The following CDH11 variants were observed in gnomAD, a reference collection of about 807,000 sequenced individuals.
CDH11 encodes cadherin-11.
A neutral mutation model predicts 67.8 loss-of-function variants in CDH11; 11 were observed. That is an observed-to-expected ratio of 0.16 (90% CI 0.10 to 0.27). The LOEUF is 0.27. Ranked by LOEUF, CDH11 falls within the 10% of genes least tolerant of loss-of-function variation. The pLI, the probability that CDH11 is intolerant of heterozygous loss-of-function variation, is 1.00. For synonymous variants in CDH11, 419 were observed against 400.0 expected, an observed-to-expected ratio of 1.05 and a Z score of -0.57; for missense variants, 847 against 1,031.2, an observed-to-expected ratio of 0.82 and a Z score of 2.45.
chr16:64,947,455 C>A lies in CDH11; in HGVS notation c.*148G>T. On this transcript the variant is annotated 3_prime_UTR_variant, in exon 13 of 13. Coordinates refer to ENST00000268603, the MANE Select transcript of CDH11 (RefSeq NM_001797.4). ...ACAGTATTTACCACTTTGATGTCCT[C>A]GCAGTTTTATTAAATGTATCCTCTC... The A allele has an allele frequency of 6.9e-7, 1 of 1,457,240 alleles. No individual in the cohort carries two copies. Among genetic ancestry groups the A allele is most frequent in the Non-Finnish European group, 9.0e-7 (1 of 1,105,202 alleles). The allele number at this position is 1,457,240 out of a possible 1,614,324, so 90.3% of individuals were successfully genotyped here.
chr16:64,998,473 A>T, intron 4 of CDH11, 89 bp downstream of exon 4: 1 of 1,216,572 alleles, frequency 8.2e-7, no homozygotes, highest in Non-Finnish European at 1.2e-6. Context: ...AAGAAGCTCT[A>T]CTTCCTGATT....
chr16:65,055,984 G>T (rs2074135443), intron 1 of CDH11, among the ~76,000 whole-genome samples: 1 of 152,196 alleles, frequency 6.6e-6, no homozygotes, highest in African/African-American at 2.4e-5. Flanking sequence ...GACACAGTGA[G>T]AGGACTGTTG....
At chr16:64,956,101 A>G (rs1015320507) in intron 11 of CDH11, among the ~76,000 whole-genome samples, 3 of 152,220 alleles carry the variant, frequency 2.0e-5, no homozygotes, top group Admixed American at 6.5e-5. Context: ...TCTTTTTCTT[A>G]TATAAAGATT....
intron 1 of CDH11, among the ~76,000 whole-genome samples, chr16:65,056,778 G>A (rs933468052): frequency 1.3e-5 from 2 of 152,036 alleles, no homozygotes; most frequent in Admixed American, 1.3e-4. Context: ...CTGTGACTGG[G>A]GCCAGCGTGT....
chr16:65,104,901 A>G (rs1458179080), intron 1 of CDH11, among the ~76,000 whole-genome samples: 1 of 152,246 alleles, frequency 6.6e-6, no homozygotes, highest in Non-Finnish European at 1.5e-5. Flanking sequence ...TCTTGGTAGT[A>G]TTCTCAATTT....
At chr16:64,993,424 C>T (rs561334433) in intron 4 of CDH11, among the ~76,000 whole-genome samples, 31 of 152,120 alleles carry the variant, frequency 2.0e-4, no homozygotes, top group African/African-American at 6.0e-4. Flanking sequence ...TGATAATTAA[C>T]GATAAATTGC....
chr16:65,076,897 A>C (rs1196534338), intron 1 of CDH11, among the ~76,000 whole-genome samples: 1 of 152,048 alleles, frequency 6.6e-6, no homozygotes, highest in Non-Finnish European at 1.5e-5. Context: ...CATGGTGTAT[A>C]TGTGCCACAT....
intron 2 of CDH11, among the ~76,000 whole-genome samples, chr16:65,046,981 T>A (rs1219726023): frequency 6.6e-6 from 1 of 152,112 alleles, no homozygotes; most frequent in East Asian, 1.9e-4. Context: ...TGGTGGCATA[T>A]GCCTGTAGTC....
chr16:64,964,925 C>A (rs2142406801), intron 11 of CDH11, among the ~76,000 whole-genome samples: 2 of 152,136 alleles, frequency 1.3e-5, no homozygotes, highest in South Asian at 4.2e-4. Flanking sequence ...ACTTTAAGTT[C>A]TAGGGTACAT....
intron 1 of CDH11, among the ~76,000 whole-genome samples, chr16:65,092,149 C>T (rs757245834): frequency 6.6e-6 from 1 of 152,164 alleles, no homozygotes; most frequent in Non-Finnish European, 1.5e-5. Context: ...TCACTTATCT[C>T]CATCCTACAG....
At position 65,082,788 on chromosome 16, in the gene CDH11, C is replaced by T. The variant is rs747169349; in HGVS notation, c.-297-28860G>A. Among the ~76,000 whole-genome samples, 239 of 152,178 alleles carry T rather than the reference C, an allele frequency of 1.6e-3. 2 individuals are homozygous for T. The highest frequency in any genetic ancestry group is 2.4e-3 in the Non-Finnish European group (163 of 68,036). ...AAATTTAGGAAAAGATATTTAACTTCGGTAAGCCTCATTTTCTTTACCTAT... is the reference window on the plus strand; with the variant it reads ...AAATTTAGGAAAAGATATTTAACTTTGGTAAGCCTCATTTTCTTTACCTAT... On this transcript the variant is annotated intron_variant, in intron 1 of 12. Coordinates refer to ENST00000268603, the MANE Select transcript of CDH11 (RefSeq NM_001797.4).
intron 1 of CDH11, among the ~76,000 whole-genome samples, chr16:65,095,208 G>A (rs2074867537): frequency 1.3e-5 from 2 of 152,070 alleles, no homozygotes; most frequent in Admixed American, 1.3e-4. Flanking sequence ...ATCACAGTGA[G>A]TTTCAAGACA....
intron 2 of CDH11, among the ~76,000 whole-genome samples, chr16:65,029,054 CT>C (rs2073588103): frequency 6.6e-6 from 1 of 152,254 alleles, no homozygotes; most frequent in African/African-American, 2.4e-5. Context: ...GCACTGTACA[CT>C]TAAACTATAT....
At chr16:65,022,358 G>A (rs971208464) in intron 2 of CDH11, among the ~76,000 whole-genome samples, 1 of 152,124 alleles carries the variant, frequency 6.6e-6, no homozygotes, top group Non-Finnish European at 1.5e-5. Context: ...AAGATAGGTG[G>A]ATCCAAATTA....
chr16:64,956,911 T>C (rs537059306), intron 11 of CDH11, among the ~76,000 whole-genome samples: 29 of 152,076 alleles, frequency 1.9e-4, no homozygotes, highest in South Asian at 6.2e-4. Flanking sequence ...AACATTAAGA[T>C]GGAGAGAGAA....
At chr16:65,018,183 T>C (rs1228227226) in intron 2 of CDH11, among the ~76,000 whole-genome samples, 1 of 152,162 alleles carries the variant, frequency 6.6e-6, no homozygotes, top group Admixed American at 6.5e-5. Flanking sequence ...CCAAGATAAC[T>C]TGGGGCTTCT....
intron 1 of CDH11, among the ~76,000 whole-genome samples, chr16:65,096,263 G>C (rs1488673273): frequency 6.6e-6 from 1 of 151,958 alleles, no homozygotes; most frequent in Non-Finnish European, 1.5e-5. Context: ...CCTTGATCTT[G>C]GACTTTCCAG....
intron 2 of CDH11, among the ~76,000 whole-genome samples, chr16:65,032,043 C>T (rs752505459): frequency 6.6e-6 from 1 of 152,112 alleles, no homozygotes; most frequent in African/African-American, 2.4e-5. Flanking sequence ...TCTGTCCCAT[C>T]ATCGAGAGTG....
chr16:65,038,271 C>T (rs192908517), intron 2 of CDH11, among the ~76,000 whole-genome samples: 129 of 152,182 alleles, frequency 8.5e-4, no homozygotes, highest in African/African-American at 3.0e-3. Context: ...GACTCCTCCA[C>T]GGGCTGTTTC....
Sources: allele counts gnomAD v4.1 joint callset (sites outside exome capture counted in the v4.1 genomes callset), GRCh38; gene constraint gnomAD v4.1.1; transcripts MANE v1.5; gene names NCBI Gene and HGNC (gene_info 2026-07-23, HGNC 2026-07-21).